The following BICRAL variants were observed in gnomAD, a reference collection of about 807,000 sequenced individuals.
The protein encoded by BICRAL is BRD4-interacting chromatin-remodeling complex-associated protein-like.
In BICRAL, 8 loss-of-function variants were observed where a neutral mutation model predicts 91.8. That is an observed-to-expected ratio of 0.09 (90% CI 0.05 to 0.16). The LOEUF (loss-of-function observed/expected upper bound fraction) is 0.16, where lower values mean the gene tolerates loss of function less well. Among genes scored for constraint, BICRAL ranks in the 10% least tolerant of loss-of-function variants. The pLI, the probability that BICRAL is intolerant of heterozygous loss-of-function variation, is 1.00. For missense variants in BICRAL, 1,038 were observed against 1,310.9 expected (o/e 0.79, Z 3.21); for synonymous variants, 445 against 491.1 (o/e 0.91, Z 1.24).
chr6:42,845,116 G>A (rs1044430105), intron 6 of BICRAL, among the ~76,000 whole-genome samples: 1 of 145,376 alleles, frequency 6.9e-6, no homozygotes, highest in African/African-American at 2.5e-5. Flanking sequence ...GTGAGCCTGT[G>A]TGTTTCTTGG....
At chr6:42,782,358 T>G (rs1582812373) in intron 1 of BICRAL, among the ~76,000 whole-genome samples, 5 of 115,160 alleles carry the variant, frequency 4.3e-5, no homozygotes, top group East Asian at 2.6e-4. Flanking sequence ...GGGGGTGGGT[T>G]TGTGGGTGGG....
At chr6:42,819,864 G>A (rs990323266) in intron 2 of BICRAL, among the ~76,000 whole-genome samples, 2 of 152,158 alleles carry the variant, frequency 1.3e-5, no homozygotes, top group Non-Finnish European at 1.5e-5. Context: ...GGGACCAGAG[G>A]AGAAGGCCTG....
At chr6:42,801,474 G>T (rs567667359) in intron 1 of BICRAL, among the ~76,000 whole-genome samples, 2 of 152,200 alleles carry the variant, frequency 1.3e-5, no homozygotes, top group Admixed American at 1.3e-4. Flanking sequence ...AATGCAAACG[G>T]CAGTGTCCCA....
intron 2 of BICRAL, among the ~76,000 whole-genome samples, chr6:42,811,489 C>T (rs919898234): frequency 5.3e-5 from 8 of 152,208 alleles, no homozygotes; most frequent in South Asian, 4.1e-4. Context: ...GGCGTGGTGG[C>T]GCACGCCTGT....
chr6:42,766,263 G>T (rs1274119681), intron 1 of BICRAL, among the ~76,000 whole-genome samples: 2 of 152,168 alleles, frequency 1.3e-5, no homozygotes, highest in Non-Finnish European at 1.5e-5. Context: ...CAGAGCTGGG[G>T]CTTTTCCACA....
intron 1 of BICRAL, among the ~76,000 whole-genome samples, chr6:42,764,765 T>A (rs1052061216): frequency 6.6e-6 from 1 of 152,040 alleles, no homozygotes; most frequent in African/African-American, 2.4e-5. Context: ...GTTCATGCCA[T>A]TCTCCTGCCT....
At chr6:42,755,195 G>C (rs915238051) in intron 1 of BICRAL, among the ~76,000 whole-genome samples, 15 of 152,140 alleles carry the variant, frequency 9.9e-5, no homozygotes, top group African/African-American at 3.1e-4. Context: ...GTATGGTGTG[G>C]ATGTTGAGCA....
chr6:42,843,091 G>A (rs973922462), intron 6 of BICRAL, among the ~76,000 whole-genome samples: 1 of 151,924 alleles, frequency 6.6e-6, no homozygotes, highest in Non-Finnish European at 1.5e-5. Flanking sequence ...TCCTGACCTC[G>A]TGATCTGCCT....
intron 1 of BICRAL, among the ~76,000 whole-genome samples, chr6:42,787,322 T>C (rs2113870564): frequency 6.6e-6 from 1 of 152,192 alleles, no homozygotes; most frequent in South Asian, 2.1e-4. Context: ...TCTGTGTAAA[T>C]ACTTGGGAGG....
rs758652753 is a variant in BICRAL, at chr6:42,829,703, C to T, written c.1370C>T (p.Pro457Leu). 1 of 1,614,180 alleles carries T rather than the reference C, an allele frequency of 6.2e-7. No homozygotes were observed. The highest frequency in any genetic ancestry group is 1.1e-5 in the South Asian group (1 of 91,090). ...NSSNMLRTNQ[P>L]YTGPMLNNQN... ...TCCAACATGCTCAGGACCAACCAAC[C>T]ATATACTGGACCGATGCTTAACAAC... The change falls in exon 6 of 13, where the codon CCA becomes CTA. Residue 457 changes from proline (P) to leucine (L), a missense_variant. Pro to Leu is a moderately conservative substitution (Grantham distance 98). Around this residue, in one of 5 missense-constraint regions of BICRAL, gnomAD observed 532 missense variants for 724.9 expected, o/e 0.73. Transcript: ENST00000314073.
rs1437422105 is a variant in BICRAL, at chr6:42,864,746, G to A, written c.2540G>A (p.Ser847Asn). 4 of 1,614,056 alleles carry A rather than the reference G, an allele frequency of 2.5e-6. No individual in the cohort carries two copies. Among genetic ancestry groups the A allele is most frequent in the Non-Finnish European group, 2.5e-6 (3 of 1,180,034 alleles). The change falls in exon 13 of 13, where the codon AGT (serine) becomes AAT (asparagine). Residue 847 changes from serine to asparagine, a missense_variant. Ser to Asn is a conservative substitution (Grantham distance 46). This residue lies in a region of BICRAL where 294 missense variants were observed against 292.6 expected (regional missense o/e 1.00). Transcript: ENST00000314073. Reference protein sequence around the residue: ...TQFGRSDQHGSKASSSLQPPA... With the variant: ...TQFGRSDQHGNKASSSLQPPA... The stretch of plus-strand genomic sequence containing the variant: ...TTTGGCCGGAGTGACCAGCATGGCA[G>A]TAAAGCAAGCAGCTCTCTGCAACCG...
At chr6:42,752,239 T>A (rs2113819072) in intron 1 of BICRAL, among the ~76,000 whole-genome samples, 1 of 152,282 alleles carries the variant, frequency 6.6e-6, no homozygotes, top group South Asian at 2.1e-4. Flanking sequence ...GCCCTTGACC[T>A]TCTGAAACTT....
At chr6:42,780,960 C>G (rs931888686), upstream of BICRAL, among the ~76,000 whole-genome samples, 4 of 152,060 alleles carry the variant, frequency 2.6e-5, no homozygotes, top group African/African-American at 9.7e-5. Context: ...TGGTCTCGAA[C>G]TGCTGACCTC....
chr6:42,848,572 C>T (rs1480399450), intron 6 of BICRAL, among the ~76,000 whole-genome samples: 1 of 152,170 alleles, frequency 6.6e-6, no homozygotes, highest in East Asian at 1.9e-4. Flanking sequence ...TGGCCGGGAG[C>T]AGTGGCTCAC....
chr6:42,803,787 A>G (rs1763637391), intron 1 of BICRAL, among the ~76,000 whole-genome samples: 1 of 152,218 alleles, frequency 6.6e-6, no homozygotes, highest in African/African-American at 2.4e-5. Flanking sequence ...AGACAATTTC[A>G]TTATCTTGTG....
chr6:42,851,167 A>G (rs1765165614), intron 6 of BICRAL, among the ~76,000 whole-genome samples: 1 of 152,064 alleles, frequency 6.6e-6, no homozygotes, highest in African/African-American at 2.4e-5. Context: ...CCTGGGCGAC[A>G]GAGAGAGACT....
chr6:42,827,649 G>A (rs1227188293), intron 5 of BICRAL, among the ~76,000 whole-genome samples: 3 of 152,224 alleles, frequency 2.0e-5, no homozygotes, highest in African/African-American at 7.2e-5. Context: ...GGAGGCCAAA[G>A]CAGGAGGATT....
intron 1 of BICRAL, among the ~76,000 whole-genome samples, chr6:42,809,781 T>C (rs950283153): frequency 6.6e-6 from 1 of 151,650 alleles, no homozygotes; most frequent in Admixed American, 6.6e-5. Context: ...GGAATTTTTA[T>C]TTATTTATTT....
intron 6 of BICRAL, among the ~76,000 whole-genome samples, chr6:42,845,238 T>G (rs1397671416): frequency 1.1e-5 from 1 of 92,978 alleles, no homozygotes; most frequent in Non-Finnish European, 2.0e-5. Flanking sequence ...TTTTTTTTTT[T>G]TTTTTTTTTT....
Sources: gnomAD v4.1 joint callset for allele counts (sites outside exome capture counted in the v4.1 genomes callset) on GRCh38, gnomAD v4.1.1 for gene constraint, gnomAD v4.1.1 regional missense constraint, MANE v1.5 for transcripts, NCBI Gene and HGNC (gene_info 2026-07-23, HGNC 2026-07-21) for gene names.